Variants in MMP12 observed in about 807,000 individuals in gnomAD.
The protein encoded by MMP12 is macrophage metalloelastase.
A neutral mutation model predicts 45.2 loss-of-function variants in MMP12; 51 were observed. That is an observed-to-expected ratio of 1.13 (90% confidence interval 0.90 to 1.42). MMP12 has a LOEUF of 1.42. Ranked by LOEUF, MMP12 falls within the 40% of genes most tolerant of loss-of-function variation. The pLI is 0.00. For missense variants in MMP12, 530 were observed against 570.8 expected (o/e 0.93, Z 0.73); for synonymous variants, 210 against 193.3 (o/e 1.09, Z -0.72).
intron 6 of MMP12, among the ~76,000 whole-genome samples, chr11:102,866,697 G>A (rs1859394523): frequency 6.6e-6 from 1 of 152,142 alleles, no homozygotes; most frequent in Admixed American, 6.5e-5. Context: ...AGGGATCTAA[G>A]CTTCTGGTTC....
chr11:102,871,947 T>A lies in MMP12; in HGVS notation c.356A>T (p.Asn119Ile). The change falls in exon 3 of 10, where the codon AAT becomes ATT. Residue 119 changes from asparagine (N) to isoleucine (I), a missense_variant. By Grantham distance (149) the Asn-to-Ile change is moderately radical (BLOSUM62 -3). Transcript: ENST00000571244. ...ACGGTTCATGTCAGGTGTGTAATTA[T>A]TGATTCTTTATCAGCAAAAAGAGAG... is the stretch of plus-strand genomic sequence containing the variant. The part of the protein sequence containing the change: ...WRKHYITYRI[N>I]NYTPDMNRED... 1 of 1,605,948 alleles carries A rather than the reference T, an allele frequency of 6.2e-7. No individual in the cohort carries two copies. Among genetic ancestry groups the A allele is most frequent in the Non-Finnish European group, 8.5e-7 (1 of 1,177,150 alleles).
At chr11:102,871,403 A>C (rs1591121149) in intron 4 of MMP12, among the ~76,000 whole-genome samples, 191 bp downstream of exon 4, 1 of 152,122 alleles carries the variant, frequency 6.6e-6, no homozygotes, top group African/African-American at 2.4e-5. Flanking sequence ...CAGAGAGTAA[A>C]ATTGAGACCC....
At position 102,871,938 on chromosome 11, in the gene MMP12, G is replaced by A; in HGVS notation, c.365C>T (p.Thr122Ile). 6.2e-7 allele frequency: 1 copy of A among 1,607,878 alleles called. No individual in the cohort carries two copies. The highest frequency in any genetic ancestry group is 1.1e-5 in the South Asian group (1 of 89,384). The change falls in exon 3 of 10, where the codon ACA (threonine) becomes ATA (isoleucine). Residue 122 changes from threonine to isoleucine, a missense_variant. Transcript: ENST00000571244. ...HYITYRINNY[T>I]PDMNREDVDY... Reference sequence around the variant, plus strand: ...AACATCCTCACGGTTCATGTCAGGTGTGTAATTATTGATTCTTTATCAGCA... The same window carrying A: ...AACATCCTCACGGTTCATGTCAGGTATGTAATTATTGATTCTTTATCAGCA...
Position 102,865,233 on chromosome 11 carries a change from G to T in MMP12, c.1205+543C>A, listed in dbSNP as rs535854253. Among the ~76,000 whole-genome samples the T allele has an allele frequency of 5.9e-5, 9 of 152,310 alleles. No individual in the cohort carries two copies. Among genetic ancestry groups the T allele is most frequent in the Admixed American group, 2.6e-4 (4 of 15,308 alleles). ...TAGGAAATGACTGGCTTACTCAGAAGAAGGAATACAGAATCCTCTCCTCCT... is the reference window on the plus strand; with the variant it reads ...TAGGAAATGACTGGCTTACTCAGAATAAGGAATACAGAATCCTCTCCTCCT... On this transcript the variant is annotated intron_variant, in intron 8 of 9. Transcript: ENST00000571244. This position sits in a 1 kb window ranked among gnomAD's most constrained non-coding sequence, Gnocchi z 4.1.
rs61730846 is a variant in MMP12, at chr11:102,868,008, A to G, written c.687T>C (p.Ser229=). ...EIGHSLGLGH[S]SDPKAVMFPT... is the part of the protein sequence containing the mutation. ...GGAACATTACGGCCTTTGGATCACTAGAATGGCCAAGACCTAAGGAATGGC... is the reference window on the plus strand; with the variant it reads ...GGAACATTACGGCCTTTGGATCACTGGAATGGCCAAGACCTAAGGAATGGC... The change falls in exon 5 of 10, where the codon TCT becomes TCC. Residue 229 remains serine, a synonymous_variant. Transcript: ENST00000571244. 1,460 of 1,605,452 alleles carry G rather than the reference A, an allele frequency of 9.1e-4. 7 individuals carry two copies. In the Middle Eastern group the frequency reaches 0.018, roughly 20 times the overall value.
chr11:102,864,265 G>A lies in MMP12; in HGVS notation c.1206-13C>T, dbSNP rs1565232000. On this transcript the variant is annotated splice_polypyrimidine_tract_variant and intron_variant, in intron 8 of 9. Coordinates refer to ENST00000571244, the MANE Select transcript of MMP12 (RefSeq NM_002426.6). ...CCTTTCATCATACCTGAGCAAAGAA[G>A]TAACCAGCAGGAACTCAATCAGAAA... The A allele has an allele frequency of 7.6e-6, 12 of 1,577,304 alleles. No individual in the cohort carries two copies. The highest frequency in any genetic ancestry group is 3.3e-4 in the Middle Eastern group (2 of 5,990).
In MMP12 at chr11:102,873,127, A is replaced by G. The variant is rs782141106; in HGVS notation, c.103-15T>C. On this transcript the variant is annotated splice_polypyrimidine_tract_variant and intron_variant, in intron 1 of 9. Transcript: ENST00000571244. ...TCTAAGTATCTCTGGAAAAAAAAAT[A>G]CATTCAGCAATGTGTAAGTACACAC... 6.2e-7 allele frequency: 1 copy of G among 1,604,590 alleles called. No individual in the cohort carries two copies. The highest frequency in any genetic ancestry group is 2.2e-5 in the East Asian group (1 of 44,814).
intron 7 of MMP12, 27 bp downstream of exon 7, chr11:102,866,288 A>T: frequency 1.9e-6 from 3 of 1,546,388 alleles, no homozygotes; most frequent in Non-Finnish European, 2.6e-6. Context: ...AAGTAAACTC[A>T]ATGGCAAAAC....
chr11:102,871,768 A>G, intron 3 of MMP12, 36 bp downstream of exon 3: 1 of 1,612,984 alleles, frequency 6.2e-7, no homozygotes, highest in Non-Finnish European at 8.5e-7. Flanking sequence ...CCTATAGATC[A>G]TGCCAAATGA....
In MMP12 at chr11:102,864,742, G is replaced by T. The variant is rs554467974; in HGVS notation, c.1206-490C>A. ...TTTCCAGGCTGTATGGTCATATCCT[G>T]GTTTCTCTCTTAAATTCTCTTTTAC... On this transcript the variant is annotated intron_variant, in intron 8 of 9. Transcript: ENST00000571244. 1.6e-3 allele frequency among the ~76,000 whole-genome samples: 242 copies of T among 152,312 alleles called. 1 individual carries two copies. Among genetic ancestry groups the T allele is most frequent in the Non-Finnish European group, 3.0e-3 (202 of 68,032 alleles).
rs1377706004 is a variant in MMP12 at position 102,871,612 on chromosome 11, A to T, written c.607T>A (p.Trp203Arg). The T allele has an allele frequency of 3.9e-6, 6 of 1,555,894 alleles. No homozygotes were observed. Among genetic ancestry groups the T allele is most frequent in the Non-Finnish European group, 5.2e-6 (6 of 1,149,004 alleles). Residue 203 changes from tryptophan (W) to arginine (R), a missense_variant, in exon 4 of 10, where the codon TGG becomes AGG. Physicochemically the swap from Trp to Arg is moderately radical, Grantham distance 101. Coordinates refer to ENST00000571244, the MANE Select transcript of MMP12 (RefSeq NM_002426.6). ...GDAHFDEDEF[W>R]TTHSGGTNLF... ...TGCCCACCTCCTGAATGTGTAGTCC[A>T]GAATTCGTCCTCATCGAAATGTGCA...
intron 4 of MMP12, among the ~76,000 whole-genome samples, chr11:102,869,658 C>T (rs974302759): frequency 6.6e-6 from 1 of 151,990 alleles, no homozygotes; most frequent in African/African-American, 2.4e-5. Flanking sequence ...CACCTATAAT[C>T]CCAGCACTTT....
rs782330806 is a variant in MMP12, at chr11:102,871,901, G to T, written c.402C>A (p.Ile134=). 2.5e-6 allele frequency: 4 copies of T among 1,613,572 alleles called. No individual in the cohort carries two copies. Among genetic ancestry groups the T allele is most frequent in the Non-Finnish European group, 3.4e-6 (4 of 1,179,762 alleles). The change falls in exon 3 of 10, where the codon ATC becomes ATA. Residue 134 remains isoleucine, a synonymous_variant. Coordinates refer to ENST00000571244, the MANE Select transcript of MMP12 (RefSeq NM_002426.6). ...TACTCCATACTTGGAAAGCTTTCCG[G>T]ATTGCGTAGTCAACATCCTCACGGT... ...DMNREDVDYA[I]RKAFQVWSNV...
At chr11:102,866,669 C>T (rs1307615943) in intron 6 of MMP12, among the ~76,000 whole-genome samples, 2 of 152,130 alleles carry the variant, frequency 1.3e-5, no homozygotes, top group Non-Finnish European at 2.9e-5. Flanking sequence ...TACAGAAATA[C>T]CCTGGAGCTT....
chr11:102,869,616 G>T (rs1228207948), intron 4 of MMP12, among the ~76,000 whole-genome samples: 6 of 151,994 alleles, frequency 3.9e-5, no homozygotes, highest in Non-Finnish European at 7.4e-5. Context: ...CTGGGTAAAA[G>T]AAAACAGGCT....
intron 4 of MMP12, among the ~76,000 whole-genome samples, chr11:102,870,416 A>G (rs577654185): frequency 3.3e-5 from 5 of 152,358 alleles, no homozygotes; most frequent in African/African-American, 7.2e-5. Flanking sequence ...TATGTGTTAG[A>G]CTAAAACAAA....
chr11:102,872,339 AT>A (rs28360363), intron 2 of MMP12, among the ~76,000 whole-genome samples: 17 of 150,406 alleles, frequency 1.1e-4, no homozygotes, highest in South Asian at 2.1e-4. Flanking sequence ...TTATTTGCAG[AT>A]TTTTTTTTCT....
rs1859316232 is a variant in MMP12 at position 102,862,820 on chromosome 11, A to T, written c.*280T>A. ...GTAAGTATAATTTCTCAGTCCAAGG[A>T]TGTTAGGAAGCAACTTACAGAGCAT... On this transcript the variant is annotated 3_prime_UTR_variant, in exon 10 of 10. Transcript: ENST00000571244. 1 of 226,236 alleles carries T rather than the reference A, an allele frequency of 4.4e-6. No homozygotes were observed. The highest frequency in any genetic ancestry group is 2.3e-5 in the African/African-American group (1 of 44,028). The allele number at this position is 226,236 out of a possible 1,614,324, so 14.0% of individuals were successfully genotyped here.
chr11:102,866,233 T>G, intron 7 of MMP12, 82 bp downstream of exon 7: 4 of 1,339,794 alleles, frequency 3.0e-6, no homozygotes, highest in Non-Finnish European at 3.0e-6. Flanking sequence ...TTGGTCTATA[T>G]CTATTAAAAA....
Sources: gnomAD v4.1 joint callset for allele counts (sites outside exome capture counted in the v4.1 genomes callset) on GRCh38, gnomAD v4.1.1 for gene constraint, Gnocchi (gnomAD v3.1) non-coding constraint, MANE v1.5 for transcripts, NCBI Gene and HGNC (gene_info 2026-07-23, HGNC 2026-07-21) for gene names.